The following CYP2C19 variants were observed in gnomAD, a reference collection of about 807,000 sequenced individuals.
The protein encoded by CYP2C19 is cytochrome P450 2C19.
A neutral mutation model predicts 40.9 loss-of-function variants in CYP2C19; 59 were observed. That is an observed-to-expected ratio of 1.44 (90% confidence interval 1.17 to 1.79). The LOEUF (loss-of-function observed/expected upper bound fraction) is 1.79, where lower values mean the gene tolerates loss of function less well. Among genes scored for constraint, CYP2C19 ranks in the 40% most tolerant of loss-of-function variants. The pLI is 0.00. For synonymous variants in CYP2C19, 253 were observed against 208.7 expected (o/e 1.21, Z -1.83); for missense variants, 754 against 596.9 (o/e 1.26, Z -2.74).
intron 5 of CYP2C19, among the ~76,000 whole-genome samples, chr10:94,813,937 G>T (rs900023830): frequency 2.0e-5 from 3 of 150,854 alleles, no homozygotes; most frequent in African/African-American, 7.3e-5. Context: ...GAATCTTCTG[G>T]TCTGTGGGTT....
intron 7 of CYP2C19, among the ~76,000 whole-genome samples, chr10:94,845,908 T>C (rs1849566629): frequency 6.6e-6 from 1 of 152,088 alleles, no homozygotes; most frequent in Non-Finnish European, 1.5e-5. Flanking sequence ...TATGTACATA[T>C]GGCAGTGTGT....
intron 1 of CYP2C19, among the ~76,000 whole-genome samples, chr10:94,765,971 C>T (rs998677731): frequency 8.5e-5 from 13 of 152,112 alleles, no homozygotes; most frequent in Admixed American, 3.9e-4. Context: ...CTTTTCATTG[C>T]TTGTGTAATA....
Position 94,852,924 on chromosome 10 carries a change from G to A in CYP2C19, c.*10G>A. The stretch of plus-strand genomic sequence containing the variant: ...CTTCATTCCTGTCTGAAGAAGCACA[G>A]ATGGTCTGGCTGCTCCTGTGCTGTC... On this transcript the variant is annotated 3_prime_UTR_variant, in exon 9 of 9. Transcript: ENST00000371321. 6.2e-7 allele frequency: 1 copy of A among 1,613,856 alleles called. No homozygotes were observed. Among genetic ancestry groups the A allele is most frequent in the Non-Finnish European group, 8.5e-7 (1 of 1,179,834 alleles).
intron 1 of CYP2C19, among the ~76,000 whole-genome samples, chr10:94,773,074 C>G (rs1848358393): frequency 6.6e-6 from 1 of 152,212 alleles, no homozygotes; most frequent in African/African-American, 2.4e-5. Context: ...AGCCACCGCA[C>G]CCGGCCATTG....
rs773912760 is a variant in CYP2C19 at position 94,849,941 on chromosome 10, A to T, written c.1174A>T (p.Thr392Ser). Residue 392 changes from threonine to serine, a missense_variant, in exon 8 of 9, where the codon ACT (threonine) becomes TCT (serine). Thr to Ser is a moderately conservative substitution (Grantham distance 58, BLOSUM62 1). Transcript: ENST00000371321. ...PKGTTILTSL[T>S]SVLHDNKEFP... ...GGGCACAACCATATTAACTTCCCTC[A>T]CTTCTGTGCTACATGACAACAAAGA... is the stretch of plus-strand genomic sequence containing the variant. 1 of 1,613,554 alleles carries T rather than the reference A, an allele frequency of 6.2e-7. No individual in the cohort carries two copies. The highest frequency in any genetic ancestry group is 1.3e-5 in the African/African-American group (1 of 74,928).
At chr10:94,804,628 A>T (rs1016201581) in intron 5 of CYP2C19, among the ~76,000 whole-genome samples, 11 of 152,156 alleles carry the variant, frequency 7.2e-5, no homozygotes, top group Non-Finnish European at 1.6e-4. Flanking sequence ...TCAGATCCCC[A>T]GTTGAAGGGT....
intron 6 of CYP2C19, among the ~76,000 whole-genome samples, chr10:94,823,706 A>G (rs1480782396): frequency 6.6e-6 from 1 of 152,198 alleles, no homozygotes; most frequent in Admixed American, 6.5e-5. Context: ...GGAACTATTA[A>G]TATTATTTAG....
At chr10:94,775,589 CT>C in intron 3 of CYP2C19, 50 bp downstream of exon 3, 2 of 1,613,472 alleles carry the variant, frequency 1.2e-6, no homozygotes, top group Non-Finnish European at 8.5e-7. Context: ...GCTCTCCTCT[CT>C]ACTGACATTC....
chr10:94,851,441 CACAA>C (rs891656665), intron 8 of CYP2C19, among the ~76,000 whole-genome samples: 6 of 114,294 alleles, frequency 5.2e-5, no homozygotes, highest in South Asian at 6.3e-4. Flanking sequence ...CATACCAGCA[CACAA>C]ATAAATAAAT....
chr10:94,783,876 A>T (rs981035915), intron 5 of CYP2C19, among the ~76,000 whole-genome samples: 31 of 152,306 alleles, frequency 2.0e-4, no homozygotes, highest in African/African-American at 7.0e-4. Flanking sequence ...TTAAATCTGT[A>T]GAACAGGGAG....
intron 3 of CYP2C19, among the ~76,000 whole-genome samples, chr10:94,779,683 C>G (rs1848457830): frequency 6.6e-6 from 1 of 151,582 alleles, no homozygotes; most frequent in Non-Finnish European, 1.5e-5. Context: ...GCCTCAGCCT[C>G]CCAAGTAGCT....
chr10:94,852,099 C>A (rs1849662498), intron 8 of CYP2C19, among the ~76,000 whole-genome samples: 1 of 152,026 alleles, frequency 6.6e-6, no homozygotes, highest in African/African-American at 2.4e-5. Context: ...AGTGGCTATG[C>A]CTAGAGTTGA....
intron 5 of CYP2C19, among the ~76,000 whole-genome samples, chr10:94,789,338 C>G (rs1428883436): frequency 6.6e-6 from 1 of 151,912 alleles, no homozygotes; most frequent in Non-Finnish European, 1.5e-5. Flanking sequence ...TGGAGAAGCT[C>G]TTTAGTTTAA....
At chr10:94,795,807 G>A (rs1220151526) in intron 5 of CYP2C19, among the ~76,000 whole-genome samples, 1 of 152,090 alleles carries the variant, frequency 6.6e-6, no homozygotes, top group African/African-American at 2.4e-5. Flanking sequence ...GTCTTCTTTT[G>A]AGAAGTGTCT....
chr10:94,806,136 G>T (rs549077936), intron 5 of CYP2C19, among the ~76,000 whole-genome samples: 6 of 150,966 alleles, frequency 4.0e-5, no homozygotes, highest in Non-Finnish European at 7.4e-5. Context: ...CCTCATAGAA[G>T]TGGAATCATT....
At chr10:94,837,327 T>C (rs1250471528) in intron 6 of CYP2C19, among the ~76,000 whole-genome samples, 2 of 152,058 alleles carry the variant, frequency 1.3e-5, no homozygotes, top group South Asian at 4.2e-4. Context: ...GGTGCTGCCT[T>C]TGGTAGGGAA....
rs558431003 is a variant in CYP2C19 at position 94,794,325 on chromosome 10, T to C, written c.819+12328T>C. Among the ~76,000 whole-genome samples the C allele has an allele frequency of 3.1e-3, 475 of 152,258 alleles. 3 individuals are homozygous for C. The highest frequency in any genetic ancestry group is 0.011 in the African/African-American group (452 of 41,566). ...GTGCCTCCCAGGTGAGGCGATGCCC[T>C]GCCCTGCTTCAGCTCACACTCCATG... On this transcript the variant is annotated intron_variant, in intron 5 of 8. Transcript: ENST00000371321.
At chr10:94,820,268 A>C in intron 5 of CYP2C19, among the ~76,000 whole-genome samples, 1 of 151,994 alleles carries the variant, frequency 6.6e-6, no homozygotes. Context: ...TCTATGACAA[A>C]CCCACAGCCA....
intron 6 of CYP2C19, 104 bp downstream of exon 6, chr10:94,820,741 A>G: frequency 7.0e-7 from 1 of 1,434,316 alleles, no homozygotes; most frequent in South Asian, 1.2e-5. Context: ...CATTATTTAA[A>G]TTTCTGTGCC....
Sources: allele counts gnomAD v4.1 joint callset (sites outside exome capture counted in the v4.1 genomes callset), GRCh38; gene constraint gnomAD v4.1.1; transcripts MANE v1.5; gene names NCBI Gene and HGNC (gene_info 2026-07-23, HGNC 2026-07-21).